Variants in UTRN observed in about 807,000 individuals in gnomAD.
UTRN encodes the protein dystrophin-related protein 1.
A neutral mutation model predicts 463.9 loss-of-function variants in UTRN; 283 were observed. The ratio of observed to expected loss-of-function variants is 0.61; its 90% CI spans 0.55 to 0.67. UTRN has a LOEUF of 0.67. Ranked by LOEUF, UTRN falls within the 30% of genes least tolerant of loss-of-function variation. The pLI is 0.00. For synonymous variants in UTRN, 1,442 were observed against 1,431.5 expected, an observed-to-expected ratio of 1.01 and a Z score of -0.17; for missense variants, 3,922 against 4,084.3, an observed-to-expected ratio of 0.96 and a Z score of 1.08.
intron 2 of UTRN, among the ~76,000 whole-genome samples, chr6:144,380,749 C>G (rs1418457397): frequency 6.6e-6 from 1 of 152,108 alleles, no homozygotes; most frequent in Non-Finnish European, 1.5e-5. Context: ...CAAGTCAAAG[C>G]TACAGTGAGC....
intron 51 of UTRN, among the ~76,000 whole-genome samples, chr6:144,643,053 A>T (rs1052034097): frequency 1.3e-5 from 2 of 152,130 alleles, no homozygotes; most frequent in African/African-American, 2.4e-5. Context: ...ATTTTATAGT[A>T]TCTATATAGC....
chr6:144,664,855 T>C (rs1780225645), intron 51 of UTRN, among the ~76,000 whole-genome samples: 1 of 151,560 alleles, frequency 6.6e-6, no homozygotes, highest in African/African-American at 2.4e-5. Context: ...GTTATTTGCC[T>C]ATTCTATTAT....
chr6:144,481,532 A>G (rs926827194), intron 26 of UTRN, among the ~76,000 whole-genome samples: 1 of 152,226 alleles, frequency 6.6e-6, no homozygotes, highest in Non-Finnish European at 1.5e-5. Context: ...GTGTACCTCA[A>G]TTTTTGTGAA....
chr6:144,433,479 A>G (rs1348876626), intron 9 of UTRN, among the ~76,000 whole-genome samples: 5 of 145,892 alleles, frequency 3.4e-5, no homozygotes, highest in Non-Finnish European at 6.0e-5. Flanking sequence ...GGCGGTTGCC[A>G]GGCAGAGGGT....
chr6:144,589,932 G>A lies in UTRN; in HGVS notation c.7479+12644G>A, dbSNP rs534364731. ...AGTGGTGCTATCATGGCTCACTGCAGCCTTGACCTCCTGGGCTCAAGCTAT... is the reference window on the plus strand; with the variant it reads ...AGTGGTGCTATCATGGCTCACTGCAACCTTGACCTCCTGGGCTCAAGCTAT... On this transcript the variant is annotated intron_variant, in intron 51 of 74. Coordinates refer to ENST00000367545, the MANE Select transcript of UTRN (RefSeq NM_007124.3). 1.7e-4 allele frequency among the ~76,000 whole-genome samples: 26 copies of A among 151,748 alleles called. No homozygotes were observed. In the South Asian group the frequency reaches 5.4e-3, roughly 32 times the overall value.
At chr6:144,457,548 A>G (rs1221341671) in intron 19 of UTRN, among the ~76,000 whole-genome samples, 4 of 152,080 alleles carry the variant, frequency 2.6e-5, no homozygotes, top group Non-Finnish European at 5.9e-5. Context: ...TTTGTTTTGT[A>G]TACTCTCCCC....
chr6:144,735,017 A>G (rs777188759), intron 54 of UTRN, among the ~76,000 whole-genome samples: 2 of 152,150 alleles, frequency 1.3e-5, no homozygotes, highest in Non-Finnish European at 2.9e-5. Flanking sequence ...TCTGGCACAT[A>G]GTAAGTGCTT....
At chr6:144,465,016 G>A (rs1160538010) in intron 23 of UTRN, among the ~76,000 whole-genome samples, 1 of 152,172 alleles carries the variant, frequency 6.6e-6, no homozygotes, top group African/African-American at 2.4e-5. Flanking sequence ...TGTGGGAGAA[G>A]ACTTCCAGTG....
chr6:144,800,512 A>G (rs767281947), intron 64 of UTRN, among the ~76,000 whole-genome samples: 3 of 152,212 alleles, frequency 2.0e-5, no homozygotes, highest in Non-Finnish European at 4.4e-5. Flanking sequence ...TTCAGGAGAT[A>G]GTGTATTGAG....
chr6:144,643,864 A>G (rs1014622116), intron 51 of UTRN, among the ~76,000 whole-genome samples: 1 of 152,076 alleles, frequency 6.6e-6, no homozygotes, highest in African/African-American at 2.4e-5. Flanking sequence ...GCAGCACTAT[A>G]TTCTTCTAGA....
At chr6:144,758,329 A>G (rs996182989) in intron 58 of UTRN, 3 of 168,036 alleles carry the variant, frequency 1.8e-5, no homozygotes, top group Non-Finnish European at 3.8e-5. Flanking sequence ...AAATTGGAGA[A>G]AAATGACAGA....
In UTRN at chr6:144,447,163, T is replaced by A. The variant is rs1481704876; in HGVS notation, c.1615-48T>A. Reference sequence around the variant, plus strand: ...ATTTGGATGCATGATTTAATTGAATTACCAAATGATTTTGCAGATAAAGTT... The same window carrying A: ...ATTTGGATGCATGATTTAATTGAATAACCAAATGATTTTGCAGATAAAGTT... On this transcript the variant is annotated intron_variant, in intron 14 of 74. Transcript: ENST00000367545. The A allele has an allele frequency of 5.2e-6, 8 of 1,541,890 alleles. No homozygotes were observed. The Admixed American group carries it at 1.4e-4, about 28-fold the overall frequency.
intron 50 of UTRN, among the ~76,000 whole-genome samples, chr6:144,561,420 ACT>A (rs773491625): frequency 1.3e-5 from 2 of 150,516 alleles, no homozygotes; most frequent in Non-Finnish European, 3.0e-5. Context: ...ATATATGCAC[ACT>A]CATGTATATA....
rs1158715764 is a variant in UTRN, at chr6:144,577,125, A to T, written c.7316A>T (p.Glu2439Val). 1 of 1,613,770 alleles carries T rather than the reference A, an allele frequency of 6.2e-7. No homozygotes were observed. Among genetic ancestry groups the T allele is most frequent in the Non-Finnish European group, 8.5e-7 (1 of 1,179,810 alleles). The change falls in exon 51 of 75, where the codon GAG becomes GTG. Residue 2439 changes from glutamate to valine, a missense_variant. Glu to Val is a moderately radical substitution (Grantham distance 121, BLOSUM62 -2). Transcript: ENST00000367545. ...QSIADRQNALEAEWRTVQASR... is the reference protein window; with the variant it reads ...QSIADRQNALVAEWRTVQASR... ...ATTGCTGACAGACAGAACGCCTTGG[A>T]GGCTGAGTGGAGGACGGTGCAGGCC...
intron 58 of UTRN, among the ~76,000 whole-genome samples, chr6:144,760,122 G>A (rs1007733333): frequency 7.2e-5 from 11 of 151,986 alleles, no homozygotes; most frequent in African/African-American, 2.4e-4. Context: ...ATTTCTATAT[G>A]TTTAGGTTAA....
intron 58 of UTRN, among the ~76,000 whole-genome samples, chr6:144,767,180 C>G (rs1480477767): frequency 2.0e-5 from 3 of 151,998 alleles, no homozygotes; most frequent in Non-Finnish European, 4.4e-5. Context: ...GTGCAGTTGC[C>G]AGGAGTTGGA....
At chr6:144,290,403 C>G (rs1804112732) in intron 1 of UTRN, among the ~76,000 whole-genome samples, 1 of 152,130 alleles carries the variant, frequency 6.6e-6, no homozygotes, top group South Asian at 2.1e-4. Flanking sequence ...AGAAACCAGG[C>G]CATTTCTTTT....
At position 144,371,130 on chromosome 6, in the gene UTRN, G is replaced by A. The variant is rs112665726; in HGVS notation, c.80-31993G>A. Among the ~76,000 whole-genome samples, 115 of 152,072 alleles carry A rather than the reference G, an allele frequency of 7.6e-4. 1 individual carries two copies. The highest frequency in any genetic ancestry group is 2.6e-3 in the African/African-American group (109 of 41,482). The stretch of plus-strand genomic sequence containing the variant: ...GCCAGAATAGAGTCAAGTTCAACAG[G>A]GTCTTCTCTCCCCACTGACTTTTTT... On this transcript the variant is annotated intron_variant, in intron 2 of 74. Transcript: ENST00000367545.
At chr6:144,307,304 T>C (rs1805830787) in intron 2 of UTRN, among the ~76,000 whole-genome samples, 1 of 152,180 alleles carries the variant, frequency 6.6e-6, no homozygotes, top group Admixed American at 6.5e-5. Flanking sequence ...TTACTCTACC[T>C]AGCCTGACTG....
Sources: gnomAD v4.1 joint callset for allele counts (sites outside exome capture counted in the v4.1 genomes callset) on GRCh38, gnomAD v4.1.1 for gene constraint, MANE v1.5 for transcripts, NCBI Gene and HGNC (gene_info 2026-07-23, HGNC 2026-07-21) for gene names.